The following CLIC4 variants were observed in gnomAD, a reference collection of about 807,000 sequenced individuals.
CLIC4 encodes chloride intracellular channel protein 4.
A neutral mutation model predicts 24.6 loss-of-function variants in CLIC4; 13 were observed. The ratio of observed to expected loss-of-function variants is 0.53; its 90% confidence interval spans 0.34 to 0.84. The LOEUF (loss-of-function observed/expected upper bound fraction) is 0.84. Ranked by LOEUF, CLIC4 falls within the 40% of genes least tolerant of loss-of-function variation. The pLI is 0.01. For synonymous variants in CLIC4, 104 were observed against 111.3 expected (o/e 0.93, Z 0.41); for missense variants, 227 against 301.7 (o/e 0.75, Z 1.83).
intron 2 of CLIC4, among the ~76,000 whole-genome samples, chr1:24,805,848 C>G (rs185520446): frequency 1.3e-5 from 2 of 152,270 alleles, no homozygotes; most frequent in Middle Eastern, 6.8e-3. Flanking sequence ...AATATTAGCT[C>G]CTATAGGATT....
intron 4 of CLIC4, among the ~76,000 whole-genome samples, chr1:24,838,862 G>GAC (rs1368293514): frequency 2.0e-5 from 3 of 152,140 alleles, no homozygotes; most frequent in African/African-American, 4.8e-5. Flanking sequence ...AATAACAACA[G>GAC]ACAGATCTTC....
chr1:24,816,672 A>G (rs1053018764), intron 3 of CLIC4, among the ~76,000 whole-genome samples: 19 of 152,196 alleles, frequency 1.2e-4, no homozygotes, highest in African/African-American at 4.1e-4. Flanking sequence ...AAGACTTGAA[A>G]GTCAAAATTT....
chr1:24,841,450 G>A lies in CLIC4; in HGVS notation c.*513G>A, dbSNP rs2124181098. 1 of 152,286 alleles carries A rather than the reference G, an allele frequency of 6.6e-6. No homozygotes were observed. The highest frequency in any genetic ancestry group is 2.4e-5 in the African/African-American group (1 of 41,544). 9.4% of individuals were successfully genotyped at this position (152,286 alleles called of 1,614,324 possible). A position where few individuals can be genotyped will look rare whatever the true frequency, so the allele number is the denominator to read the frequency against. On this transcript the variant is annotated 3_prime_UTR_variant, in exon 6 of 6. Transcript: ENST00000374379. Reference sequence around the variant, plus strand: ...GTATCAGAAATATTGTTTCAATTTAGTCTATCCTGGATATGTACTAACGAA... The same window carrying A: ...GTATCAGAAATATTGTTTCAATTTAATCTATCCTGGATATGTACTAACGAA...
intron 1 of CLIC4, among the ~76,000 whole-genome samples, chr1:24,751,273 G>C (rs1426797083): frequency 1.4e-5 from 2 of 143,122 alleles, no homozygotes; most frequent in Non-Finnish European, 3.0e-5. Context: ...GCAGTGGCAC[G>C]ATCTTGGCTC....
chr1:24,796,396 C>G (rs781262474), intron 1 of CLIC4, among the ~76,000 whole-genome samples: 6 of 151,724 alleles, frequency 4.0e-5, no homozygotes, highest in Non-Finnish European at 7.4e-5. Context: ...ACCATGTTGG[C>G]CAGGCTGGTC....
chr1:24,802,059 G>C (rs1639496184), intron 2 of CLIC4, among the ~76,000 whole-genome samples: 1 of 152,002 alleles, frequency 6.6e-6, no homozygotes, highest in Non-Finnish European at 1.5e-5. Context: ...CCCTTACTGT[G>C]TCCTAAAATA....
At chr1:24,754,807 C>CA (rs1441992521) in intron 1 of CLIC4, among the ~76,000 whole-genome samples, 1 of 152,066 alleles carries the variant, frequency 6.6e-6, no homozygotes, top group Non-Finnish European at 1.5e-5. Flanking sequence ...TGCCATGGCT[C>CA]ACACCTGTAA....
chr1:24,839,795 T>C, intron 4 of CLIC4, 65 bp from the exon 5 acceptor site: 1 of 1,389,704 alleles, frequency 7.2e-7, no homozygotes, highest in Non-Finnish European at 9.9e-7. Context: ...AGAGTCTGCT[T>C]CTCCTTGGGG....
intron 3 of CLIC4, 51 bp from the exon 4 acceptor site, chr1:24,826,959 T>C (rs373018745): frequency 3.4e-5 from 44 of 1,294,620 alleles, no homozygotes; most frequent in Non-Finnish European, 4.4e-5. Flanking sequence ...AGAGAACTTA[T>C]GCTAATTCAT....
In CLIC4 at chr1:24,836,279, C is replaced by CTT. The variant is rs1348934066; in HGVS notation, c.416-3580_416-3579dup. On this transcript the variant is annotated intron_variant, in intron 4 of 5. Transcript: ENST00000374379. Reference sequence around the variant, plus strand: ...CCACAGTCATAGTGGGGGATCTTAACTTACCCCCTTAGTAACTGTTAGAAT... The same window carrying CTT: ...CCACAGTCATAGTGGGGGATCTTAACTTTTACCCCCTTAGTAACTGTTAGAAT... 2.0e-5 allele frequency among the ~76,000 whole-genome samples: 3 copies of CTT among 152,150 alleles called. No individual in the cohort carries two copies. In the East Asian group the frequency reaches 5.8e-4, roughly 29 times the overall value.
intron 1 of CLIC4, among the ~76,000 whole-genome samples, chr1:24,754,379 T>C (rs1023652247): frequency 6.6e-6 from 1 of 152,138 alleles, no homozygotes; most frequent in African/African-American, 2.4e-5. Context: ...GTAAGGATGG[T>C]GAGCCATCCT....
intron 1 of CLIC4, among the ~76,000 whole-genome samples, chr1:24,752,816 G>A (rs1002767886): frequency 6.6e-6 from 1 of 152,082 alleles, no homozygotes; most frequent in Non-Finnish European, 1.5e-5. Context: ...TCTGCTTCCC[G>A]GGTTCAAGCG....
intron 1 of CLIC4, among the ~76,000 whole-genome samples, chr1:24,796,708 A>C (rs1437663941): frequency 2.0e-5 from 3 of 152,134 alleles, no homozygotes; most frequent in Non-Finnish European, 4.4e-5. Flanking sequence ...AAATGCTAGA[A>C]TCGCCTAACA....
In CLIC4 at chr1:24,842,739, T is replaced by C. The variant is rs887561951; in HGVS notation, c.*1802T>C. ...TTAAATATTGTATGATTTATCTGGT[T>C]CAAGGAAGATGCACTATTCAGTTAT... On this transcript the variant is annotated 3_prime_UTR_variant, in exon 6 of 6. Transcript: ENST00000374379. 5.9e-5 allele frequency: 9 copies of C among 152,186 alleles called. No individual in the cohort carries two copies. The highest frequency in any genetic ancestry group is 2.2e-4 in the African/African-American group (9 of 41,444). The allele number at this position is 152,186 out of a possible 1,614,324, so 9.4% of individuals were successfully genotyped here.
intron 4 of CLIC4, 50 bp downstream of exon 4, chr1:24,827,166 C>A: frequency 9.0e-7 from 1 of 1,115,386 alleles, no homozygotes; most frequent in Non-Finnish European, 1.3e-6. Flanking sequence ...CCCCAAACAA[C>A]AACAGGCTGT....
chr1:24,838,836 T>C (rs949026006), intron 4 of CLIC4, among the ~76,000 whole-genome samples: 9 of 152,282 alleles, frequency 5.9e-5, no homozygotes, highest in Middle Eastern at 3.4e-3. Context: ...CTTTAATGAA[T>C]GCCATCAAAA....
chr1:24,815,118 A>G (rs1376032705), intron 3 of CLIC4, among the ~76,000 whole-genome samples: 1 of 152,226 alleles, frequency 6.6e-6, no homozygotes, highest in East Asian at 1.9e-4. Context: ...TGTAAAAGTT[A>G]TATTTACAGT....
At chr1:24,754,534 A>G (rs1638817871) in intron 1 of CLIC4, among the ~76,000 whole-genome samples, 1 of 152,212 alleles carries the variant, frequency 6.6e-6, no homozygotes. Context: ...GGTCAAGTAG[A>G]GGAGTAAGCT....
chr1:24,814,031 A>G, intron 2 of CLIC4, 63 bp from the exon 3 acceptor site: 1 of 1,601,628 alleles, frequency 6.2e-7, no homozygotes, highest in Non-Finnish European at 8.5e-7. Flanking sequence ...TTGAGAATTT[A>G]AAGTATTATT....
Sources: allele counts gnomAD v4.1 joint callset (sites outside exome capture counted in the v4.1 genomes callset), GRCh38; gene constraint gnomAD v4.1.1; transcripts MANE v1.5; gene names NCBI Gene and HGNC (gene_info 2026-07-23, HGNC 2026-07-21).